The following PABPC4L variants were observed in gnomAD, a reference collection of about 807,000 sequenced individuals.
The protein encoded by PABPC4L is polyadenylate-binding protein 4-like.
For missense variants in PABPC4L, 452 were observed against 451.4 expected (o/e 1.00, Z -0.01); for synonymous variants, 169 against 164.1 (o/e 1.03, Z -0.23).
At chr4:134,012,389 G>A in the PABPC4L span, among the ~76,000 whole-genome samples, 4 of 152,012 alleles carry the variant, frequency 2.6e-5, no homozygotes, top group Non-Finnish European at 5.9e-5. Context: ...GGCTCATCCT[G>A]GCTCAAAAGC....
the PABPC4L span, among the ~76,000 whole-genome samples, chr4:134,148,566 C>T: frequency 1.3e-5 from 2 of 152,052 alleles, no homozygotes; most frequent in African/African-American, 4.8e-5. Context: ...TACTTTCATG[C>T]CTGAAGCTTC....
the PABPC4L span, among the ~76,000 whole-genome samples, chr4:134,082,022 A>G: frequency 2.0e-5 from 3 of 152,154 alleles, no homozygotes; most frequent in Non-Finnish European, 4.4e-5. Flanking sequence ...GCTCCAAGAA[A>G]AGTGAAATGA....
chr4:133,995,901 T>A, the PABPC4L span, among the ~76,000 whole-genome samples: 1 of 152,172 alleles, frequency 6.6e-6, no homozygotes, highest in Non-Finnish European at 1.5e-5. Flanking sequence ...TGGCTTCAAT[T>A]AATCCTTTTG....
chr4:133,986,636 T>A, the PABPC4L span, among the ~76,000 whole-genome samples: 1 of 152,012 alleles, frequency 6.6e-6, no homozygotes, highest in Non-Finnish European at 1.5e-5. Flanking sequence ...AATTAAAAAC[T>A]TGAAAAAAAG....
chr4:134,081,489 A>AATG, the PABPC4L span, among the ~76,000 whole-genome samples: 102 of 152,240 alleles, frequency 6.7e-4, 1 homozygote, highest in Middle Eastern at 0.01. Context: ...TGTCCACAGC[A>AATG]ATGAAGTAAG....
At chr4:133,962,640 T>C in the PABPC4L span, among the ~76,000 whole-genome samples, 6 of 152,206 alleles carry the variant, frequency 3.9e-5, no homozygotes, top group African/African-American at 1.2e-4. Flanking sequence ...GTAGAAATTC[T>C]AAAGCTAGAG....
At chr4:134,065,021 C>T in the PABPC4L span, among the ~76,000 whole-genome samples, 5 of 152,048 alleles carry the variant, frequency 3.3e-5, no homozygotes, top group East Asian at 1.9e-4. Flanking sequence ...ATTGAATCCA[C>T]GTTTTTGCTA....
At chr4:133,951,660 C>T in the PABPC4L span, among the ~76,000 whole-genome samples, 2 of 152,090 alleles carry the variant, frequency 1.3e-5, no homozygotes, top group East Asian at 3.9e-4. Context: ...ACATATGAAA[C>T]ATTTTTTCTA....
At chr4:134,061,613 A>G in the PABPC4L span, among the ~76,000 whole-genome samples, 1 of 124,782 alleles carries the variant, frequency 8.0e-6, no homozygotes, top group East Asian at 3.2e-4. Flanking sequence ...ACAAACACAA[A>G]CATACACAGA....
chr4:134,087,011 T>A, the PABPC4L span, among the ~76,000 whole-genome samples: 1 of 150,134 alleles, frequency 6.7e-6, no homozygotes, highest in African/African-American at 2.5e-5. Flanking sequence ...GTCCATGTGA[T>A]CTCATTCTTC....
chr4:134,090,428 A>G, the PABPC4L span, among the ~76,000 whole-genome samples: 9 of 152,054 alleles, frequency 5.9e-5, no homozygotes, highest in South Asian at 1.9e-3. Flanking sequence ...TTGCTTTTAT[A>G]TTTTTTCAAA....
At chr4:133,987,846 C>CCTGA in the PABPC4L span, among the ~76,000 whole-genome samples, 1 of 152,136 alleles carries the variant, frequency 6.6e-6, no homozygotes, top group African/African-American at 2.4e-5. Context: ...TAAAGAAATA[C>CCTGA]CTGAGTCTGA....
At chr4:134,069,039 T>G in the PABPC4L span, among the ~76,000 whole-genome samples, 1 of 152,122 alleles carries the variant, frequency 6.6e-6, no homozygotes, top group South Asian at 2.1e-4. Flanking sequence ...CAAGTTCCCT[T>G]AGCATTTGCT....
At chr4:133,965,825 A>G in the PABPC4L span, among the ~76,000 whole-genome samples, 2 of 152,206 alleles carry the variant, frequency 1.3e-5, no homozygotes, top group Non-Finnish European at 2.9e-5. Context: ...TCAACTCAAG[A>G]TGGATCAATG....
the PABPC4L span, among the ~76,000 whole-genome samples, chr4:134,006,943 C>A: frequency 6.6e-6 from 1 of 151,682 alleles, no homozygotes; most frequent in African/African-American, 2.4e-5. Context: ...TGAATACTGT[C>A]AAGTTTATGA....
At chr4:133,977,213 C>A in the PABPC4L span, among the ~76,000 whole-genome samples, 1 of 152,026 alleles carries the variant, frequency 6.6e-6, no homozygotes, top group Admixed American at 6.6e-5. Context: ...TGTTGAAGAT[C>A]AGATCGTTGG....
chr4:134,161,945 T>G, the PABPC4L span, among the ~76,000 whole-genome samples: 2 of 152,126 alleles, frequency 1.3e-5, no homozygotes, highest in Non-Finnish European at 2.9e-5. Flanking sequence ...CTTTTTAGCT[T>G]TCTCTTGTTT....
At chr4:133,950,889 C>A in the PABPC4L span, among the ~76,000 whole-genome samples, 1 of 152,068 alleles carries the variant, frequency 6.6e-6, no homozygotes, top group Admixed American at 6.6e-5. Context: ...AATTATTTTC[C>A]CCTACTATTT....
the PABPC4L span, among the ~76,000 whole-genome samples, chr4:134,128,593 G>A: frequency 6.6e-6 from 1 of 151,764 alleles, no homozygotes; most frequent in Admixed American, 6.6e-5. Context: ...TCTTTTTTCA[G>A]ACAAAAAAAT....
Sources: allele counts gnomAD v4.1 joint callset (sites outside exome capture counted in the v4.1 genomes callset), GRCh38; gene constraint gnomAD v4.1.1; transcripts MANE v1.5; gene names NCBI Gene and HGNC (gene_info 2026-07-23, HGNC 2026-07-21).